CCDC9: variants seen among roughly 807,000 people sequenced by gnomAD.
CCDC9 encodes the protein coiled-coil domain containing 9.
Under a neutral mutation model 65.6 loss-of-function variants are expected in CCDC9, and 52 were observed. That is an observed-to-expected ratio of 0.79 (90% CI 0.63 to 1.00). The LOEUF is 1.00. CCDC9 is among the 50% of genes least tolerant of loss of function. CCDC9 has a pLI of 0.00. For synonymous variants in CCDC9, 332 were observed against 280.3 expected, an observed-to-expected ratio of 1.18 and a Z score of -1.84; for missense variants, 834 against 757.2, an observed-to-expected ratio of 1.10 and a Z score of -1.19.
At chr19:47,268,433 G>A (rs956610930) in intron 8 of CCDC9, among the ~76,000 whole-genome samples, 7 of 152,088 alleles carry the variant, frequency 4.6e-5, no homozygotes, top group Admixed American at 1.3e-4. Context: ...CCCAGTGGTC[G>A]GGAAGCATTT....
chr19:47,262,592 G>A (rs2059053325), intron 5 of CCDC9, among the ~76,000 whole-genome samples: 1 of 152,148 alleles, frequency 6.6e-6, no homozygotes, highest in Admixed American at 6.6e-5. Flanking sequence ...TGCCGACATG[G>A]TTGCGGTTCA....
rs200713204 is a variant in CCDC9 at position 47,260,651 on chromosome 19, G to C, written c.274G>C (p.Gly92Arg). 917 of 1,524,608 alleles carry C rather than the reference G, an allele frequency of 6.0e-4. 2 individuals carry two copies. The highest frequency in any genetic ancestry group is 7.8e-4 in the Non-Finnish European group (889 of 1,145,066). The allele number at this position is 1,524,608 out of a possible 1,614,324, so 94.4% of individuals were successfully genotyped here. Residue 92 changes from glycine to arginine, a missense_variant, in exon 5 of 12, where the codon GGG (glycine) becomes CGG (arginine). Coordinates refer to ENST00000221922, the MANE Select transcript of CCDC9 (RefSeq NM_015603.3). ...GTPRPPGASK[G>R]GRTPPQQGGR... is the part of the protein sequence containing the mutation. Reference sequence around the variant, plus strand: ...CCCTCGGCCCCCAGGGGCCAGCAAGGGGGGCCGGACTCCTCCACAGCAGGG... The same window carrying C: ...CCCTCGGCCCCCAGGGGCCAGCAAGCGGGGCCGGACTCCTCCACAGCAGGG...
intron 7 of CCDC9, among the ~76,000 whole-genome samples, chr19:47,265,312 C>T (rs984041634): frequency 1.5e-4 from 23 of 152,150 alleles, no homozygotes; most frequent in Non-Finnish European, 3.2e-4. Flanking sequence ...GCCTCGGCCT[C>T]CCAAAATGCT....
chr19:47,275,130 G>C, downstream of CCDC9: 1 of 1,490,522 alleles, frequency 6.7e-7, no homozygotes, highest in Non-Finnish European at 8.9e-7. Flanking sequence ...ACAGCCCAGC[G>C]CGCCGTCCCC....
chr19:47,275,334 C>T (rs773733679), downstream of CCDC9: 2 of 1,545,124 alleles, frequency 1.3e-6, no homozygotes, highest in East Asian at 2.5e-5. Context: ...CGCGGAGGGG[C>T]GAAGACCCGG....
intron 10 of CCDC9, 116 bp from the exon 11 acceptor site, chr19:47,270,966 C>T: frequency 1.2e-6 from 1 of 826,072 alleles, no homozygotes; most frequent in Non-Finnish European, 1.9e-6. Context: ...ATTCCCTCAG[C>T]CCTCCACCAT....
intron 3 of CCDC9, 31 bp from the exon 4 acceptor site, chr19:47,260,290 A>C: frequency 6.7e-7 from 1 of 1,494,456 alleles, no homozygotes; most frequent in South Asian, 1.2e-5. Flanking sequence ...AGGGCACCTG[A>C]TGCTTCCCTA....
At chr19:47,274,858 G>A, downstream of CCDC9, 1 of 1,127,174 alleles carries the variant, frequency 8.9e-7, no homozygotes, top group Non-Finnish European at 1.1e-6. Context: ...CGGGGTGGGG[G>A]CGGGGCCTGG....
At position 47,271,617 on chromosome 19, in the gene CCDC9, G is replaced by C; in HGVS notation, c.1535G>C (p.Arg512Pro). 1 of 1,610,576 alleles carries C rather than the reference G, an allele frequency of 6.2e-7. No individual in the cohort carries two copies. Among genetic ancestry groups the C allele is most frequent in the Non-Finnish European group, 8.5e-7 (1 of 1,178,466 alleles). ...WGEEVELNSPRTTHLAGALSP... is the reference protein window; with the variant it reads ...WGEEVELNSPPTTHLAGALSP... Reference sequence around the variant, plus strand: ...GAAGAGGTGGAGCTGAATTCTCCCCGGACCACTCACCTGGCTGGCGCCCTC... The same window carrying C: ...GAAGAGGTGGAGCTGAATTCTCCCCCGACCACTCACCTGGCTGGCGCCCTC... Residue 512 changes from arginine (R) to proline (P), a missense_variant, in exon 12 of 12, where the codon CGG becomes CCG. Arg to Pro is a moderately radical substitution (Grantham distance 103). Coordinates refer to ENST00000221922, the MANE Select transcript of CCDC9 (RefSeq NM_015603.3).
downstream of CCDC9, chr19:47,274,958 C>T (rs1222589380): frequency 5.7e-6 from 8 of 1,391,790 alleles, no homozygotes; most frequent in East Asian, 9.4e-5. Context: ...GCGCCGAGAG[C>T]CCCGGAGGCG....
chr19:47,258,431 A>G, intron 2 of CCDC9, 28 bp downstream of exon 2: 1 of 1,613,962 alleles, frequency 6.2e-7, no homozygotes, highest in Non-Finnish European at 8.5e-7. Flanking sequence ...GGTCTCTAGA[A>G]TCTGAGTTTT....
intron 7 of CCDC9, among the ~76,000 whole-genome samples, chr19:47,266,021 A>G (rs1453013896): frequency 3.5e-5 from 3 of 85,210 alleles, no homozygotes; most frequent in African/African-American, 5.1e-5. Flanking sequence ...TTTGAGACAG[A>G]GTCTTGCCCT....
chr19:47,271,785 C>T lies in CCDC9; in HGVS notation c.*107C>T, dbSNP rs2059125677. ...CTAGAGGGGTGTGGCTGGTGGGGGACCCTTGGGGCTGGGCCCTGGGACCCA... is the reference window on the plus strand; with the variant it reads ...CTAGAGGGGTGTGGCTGGTGGGGGATCCTTGGGGCTGGGCCCTGGGACCCA... On this transcript the variant is annotated 3_prime_UTR_variant, in exon 12 of 12. Coordinates refer to ENST00000221922, the MANE Select transcript of CCDC9 (RefSeq NM_015603.3). 3 of 1,455,032 alleles carry T rather than the reference C, an allele frequency of 2.1e-6. No homozygotes were observed. Among genetic ancestry groups the T allele is most frequent in the African/African-American group, 2.9e-5 (2 of 69,918 alleles). 90.1% of individuals were successfully genotyped at this position (1,455,032 alleles called of 1,614,324 possible).
chr19:47,261,941 A>G (rs1034863485), intron 5 of CCDC9, among the ~76,000 whole-genome samples: 1 of 151,702 alleles, frequency 6.6e-6, no homozygotes, highest in Admixed American at 6.6e-5. Context: ...GAATTGCTTG[A>G]ACCTGGGAGG....
intron 1 of CCDC9, 39 bp from the exon 2 acceptor site, chr19:47,258,291 G>A: frequency 8.7e-7 from 1 of 1,145,942 alleles, no homozygotes; most frequent in Admixed American, 1.7e-5. Flanking sequence ...TAGGTTGGGG[G>A]GCCATTGGCC....
downstream of CCDC9, chr19:47,273,951 T>TC (rs1049307311): frequency 2.0e-6 from 2 of 982,240 alleles, no homozygotes; most frequent in Non-Finnish European, 2.4e-6. Context: ...CCGTCTTCCC[T>TC]CCCCCCTCCC....
At chr19:47,268,135 C>T (rs1302673407) in intron 8 of CCDC9, among the ~76,000 whole-genome samples, 2 of 152,122 alleles carry the variant, frequency 1.3e-5, no homozygotes, top group East Asian at 3.9e-4. Flanking sequence ...GTGTGAGCCA[C>T]CGCGCCCGGC....
chr19:47,260,422 G>T lies in CCDC9; in HGVS notation c.210G>T (p.Ser70=), dbSNP rs372711525. The T allele has an allele frequency of 5.6e-6, 9 of 1,608,412 alleles. No homozygotes were observed. The highest frequency in any genetic ancestry group is 6.8e-6 in the Non-Finnish European group (8 of 1,177,430). ...SVEKENVAVE[S]EKNLGPSRRS... ...AGAAGGAGAACGTGGCAGTGGAGTC[G>T]GTGAGCTCGTCACTGGGGTGTGGGA... is the stretch of plus-strand genomic sequence containing the variant. The change falls in exon 4 of 12, where the codon TCG becomes TCT. Residue 70 remains serine, a splice_region_variant and synonymous_variant. Transcript: ENST00000221922.
intron 1 of CCDC9, 34 bp from the exon 2 acceptor site, chr19:47,258,292 GCCAT>G: frequency 4.3e-6 from 5 of 1,160,690 alleles, no homozygotes; most frequent in South Asian, 3.7e-5. Context: ...AGGTTGGGGG[GCCAT>G]TGGCCTTTGT....
Sources: gnomAD v4.1 joint callset for allele counts (sites outside exome capture counted in the v4.1 genomes callset) on GRCh38, gnomAD v4.1.1 for gene constraint, MANE v1.5 for transcripts, NCBI Gene and HGNC (gene_info 2026-07-23, HGNC 2026-07-21) for gene names.